NUP214: variants seen among roughly 807,000 people sequenced by gnomAD.
NUP214 encodes the protein nucleoporin 214, also known as nuclear pore complex protein Nup214.
Under a neutral mutation model 196.2 loss-of-function variants are expected in NUP214, and 79 were observed. That is an observed-to-expected ratio of 0.40 (90% CI 0.34 to 0.49). NUP214 has a LOEUF of 0.49. Ranked by LOEUF, NUP214 falls within the 20% of genes least tolerant of loss-of-function variation. The pLI is 0.58. For missense variants in NUP214, 2,468 were observed against 2,539.0 expected, an observed-to-expected ratio of 0.97 and a Z score of 0.60; for synonymous variants, 1,020 against 990.5, an observed-to-expected ratio of 1.03 and a Z score of -0.56.
intron 23 of NUP214, among the ~76,000 whole-genome samples, chr9:131,176,118 G>A (rs1278919529): frequency 6.6e-6 from 1 of 151,916 alleles, no homozygotes; most frequent in Non-Finnish European, 1.5e-5. Context: ...AGGAGTTTGA[G>A]ACCACCCTAG....
At chr9:131,150,918 T>G (rs1446464242) in intron 16 of NUP214, among the ~76,000 whole-genome samples, 153 bp downstream of exon 16, 1 of 152,126 alleles carries the variant, frequency 6.6e-6, no homozygotes, top group Non-Finnish European at 1.5e-5. Context: ...AATCCCTGAG[T>G]TCAAATCCTA....
rs1554737949 is a variant in NUP214 at position 131,196,025 on chromosome 9, T to TCCCTCTCCCCCCCCCCC, written c.3721+734_3721+735insTCTCCCCCCCCCCCCCC. 8.2e-4 allele frequency among the ~76,000 whole-genome samples: 3 copies of TCCCTCTCCCCCCCCCCC among 3,668 alleles called. 1 individual carries two copies. The highest frequency in any genetic ancestry group is 4.4e-3 in the Admixed American group (1 of 228). 2.4% of individuals were successfully genotyped at this position (3,668 alleles called of 152,430 possible). The stretch of plus-strand genomic sequence containing the variant: ...GGCAACAAGAGTGAAACTCTGTGTG[T>TCCCTCTCCCCCCCCCCC]CCCCCCCCCCCCCCGCGCCAAAAAA... On this transcript the variant is annotated intron_variant, in intron 28 of 35. Transcript: ENST00000359428.
chr9:131,127,893 T>C (rs1304695444), intron 2 of NUP214, among the ~76,000 whole-genome samples, 174 bp downstream of exon 2: 1 of 152,196 alleles, frequency 6.6e-6, no homozygotes, highest in Non-Finnish European at 1.5e-5. Context: ...GTCCTTTGTA[T>C]TTCTCCTTAC....
chr9:131,171,028 G>T (rs1278605445), intron 21 of NUP214, among the ~76,000 whole-genome samples: 1 of 144,980 alleles, frequency 6.9e-6, no homozygotes, highest in Non-Finnish European at 1.5e-5. Flanking sequence ...TTCCTTATCT[G>T]ACGTAGAGTG....
intron 31 of NUP214, among the ~76,000 whole-genome samples, chr9:131,215,760 A>G (rs1369943743): frequency 6.6e-6 from 1 of 152,050 alleles, no homozygotes; most frequent in African/African-American, 2.4e-5. Context: ...TTTGGATAGT[A>G]CTCTCCAAAT....
At chr9:131,203,382 C>T (rs561805105) in intron 30 of NUP214, among the ~76,000 whole-genome samples, 1 of 152,226 alleles carries the variant, frequency 6.6e-6, no homozygotes, top group South Asian at 2.1e-4. Context: ...CATCAGACAC[C>T]GGCTGCATTT....
In NUP214 at chr9:131,128,364, A is replaced by G; in HGVS notation, c.274A>G (p.Lys92Glu). The G allele has an allele frequency of 5.0e-6, 8 of 1,613,020 alleles. No individual in the cohort carries two copies. Among genetic ancestry groups the G allele is most frequent in the Non-Finnish European group, 6.8e-6 (8 of 1,179,412 alleles). ...DKVQGLLVPM[K>E]FPIHHLALSC... ...AGTCCAAGGCTTGCTAGTTCCTATG[A>G]AATTCCCAATCCATCACCTGGCCTT... Residue 92 changes from lysine (K) to glutamate (E), a missense_variant, in exon 3 of 36, where the codon AAA (lysine) becomes GAA (glutamate). Transcript: ENST00000359428.
rs1336795098 is a variant in NUP214 at position 131,127,544 on chromosome 9, A to G, written c.66A>G (p.Leu22=). The change falls in exon 2 of 36, where the codon CTA becomes CTG. Residue 22 remains leucine (L), a synonymous_variant. Coordinates refer to ENST00000359428, the MANE Select transcript of NUP214 (RefSeq NM_005085.4). ...AACAGGATTTTCAGTTTAGAGCGCT[A>G]AAGAAGGTGAGAATCTTTGACTCCC... ...REMKDFQFRA[L]KKVRIFDSPE... 6.2e-7 allele frequency: 1 copy of G among 1,612,142 alleles called. No individual in the cohort carries two copies. Among genetic ancestry groups the G allele is most frequent in the Non-Finnish European group, 8.5e-7 (1 of 1,179,370 alleles).
chr9:131,201,387 C>T (rs1444911190), intron 29 of NUP214, among the ~76,000 whole-genome samples: 3 of 151,064 alleles, frequency 2.0e-5, no homozygotes, highest in African/African-American at 2.4e-5. Flanking sequence ...GCCTGGGCGA[C>T]AGAGCAAGAC....
chr9:131,178,445 C>T (rs745526656), intron 24 of NUP214, 35 bp downstream of exon 24: 15 of 1,507,262 alleles, frequency 1.0e-5, no homozygotes, highest in African/African-American at 1.4e-5. Flanking sequence ...CAGCCCCTGG[C>T]TGCTTCTGTA....
chr9:131,130,783 G>C lies in NUP214; in HGVS notation c.610G>C (p.Gly204Arg). ...TTGCTCAGTGTGCTGGAGCCCCAAA[G>C]GAAAGCAGCTGGCAGTGGGAAAACA... ...AVTSVCWSPK[G>R]KQLAVGKQNG... The change falls in exon 5 of 36, where the codon GGA becomes CGA. Residue 204 changes from glycine to arginine, a missense_variant. This residue lies in a region of NUP214 where 392 missense variants were observed against 417.9 expected (regional missense o/e 0.94). Coordinates refer to ENST00000359428, the MANE Select transcript of NUP214 (RefSeq NM_005085.4). 6.2e-7 allele frequency: 1 copy of C among 1,614,144 alleles called. No homozygotes were observed. The highest frequency in any genetic ancestry group is 8.5e-7 in the Non-Finnish European group (1 of 1,180,012).
Position 131,192,295 on chromosome 9 carries a change from C to A in NUP214, c.3659+3C>A, listed in dbSNP as rs1422459603. ...CCTTTCTCATTTTCTCCATCAGGGT[C>A]AGTAATGAACTTAAGTTTTATGGCA... is the stretch of plus-strand genomic sequence containing the variant. On this transcript the variant is annotated splice_donor_region_variant and intron_variant, in intron 27 of 35. Coordinates refer to ENST00000359428, the MANE Select transcript of NUP214 (RefSeq NM_005085.4). 7 of 1,520,358 alleles carry A rather than the reference C, an allele frequency of 4.6e-6. No homozygotes were observed. In the East Asian group the frequency reaches 1.0e-4, roughly 22 times the overall value. 94.2% of individuals were successfully genotyped at this position (1,520,358 alleles called of 1,614,324 possible).
intron 11 of NUP214, 150 bp downstream of exon 11, chr9:131,140,860 A>C: frequency 4.5e-6 from 3 of 663,150 alleles, no homozygotes; most frequent in South Asian, 4.9e-5. Context: ...TTTTTTTTAA[A>C]CATGCATGTA....
At chr9:131,130,696 C>T in intron 4 of NUP214, 70 bp from the exon 5 acceptor site, 1 of 1,298,186 alleles carries the variant, frequency 7.7e-7, no homozygotes, top group Non-Finnish European at 1.1e-6. Context: ...TGATAATTAG[C>T]TGTGTGTGAT....
Position 131,150,784 on chromosome 9 carries a change from T to A in NUP214, c.2277+19T>A. The A allele has an allele frequency of 6.3e-7, 1 of 1,593,486 alleles. No individual in the cohort carries two copies. The stretch of plus-strand genomic sequence containing the variant: ...CACAGAGGTTTGTGTTTATGGATAC[T>A]TTTCCTGAGTTGAATTGCATTTAAC... On this transcript the variant is annotated intron_variant, in intron 16 of 35. Transcript: ENST00000359428.
intron 30 of NUP214, among the ~76,000 whole-genome samples, chr9:131,213,392 C>T (rs1418412964): frequency 6.6e-6 from 1 of 152,152 alleles, no homozygotes; most frequent in African/African-American, 2.4e-5. Flanking sequence ...TCAGGCTGGT[C>T]TTGAGCTCCC....
intron 24 of NUP214, among the ~76,000 whole-genome samples, chr9:131,181,183 C>T (rs1042696101): frequency 3.9e-5 from 6 of 152,100 alleles, no homozygotes; most frequent in Middle Eastern, 3.4e-3. Context: ...ATTAATATCT[C>T]GGAAGAAAGC....
intron 9 of NUP214, among the ~76,000 whole-genome samples, chr9:131,137,422 G>A (rs1831762965): frequency 1.3e-5 from 2 of 152,122 alleles, no homozygotes; most frequent in Admixed American, 1.3e-4. Flanking sequence ...TACGGCAAAT[G>A]ATGATCTAGC....
At chr9:131,207,815 G>A (rs181494579) in intron 30 of NUP214, among the ~76,000 whole-genome samples, 28 of 152,368 alleles carry the variant, frequency 1.8e-4, no homozygotes, top group Admixed American at 4.6e-4. Flanking sequence ...CTGTGGCACA[G>A]CAGCTGCTGG....
Sources: gnomAD v4.1 joint callset for allele counts (sites outside exome capture counted in the v4.1 genomes callset) on GRCh38, gnomAD v4.1.1 for gene constraint, gnomAD v4.1.1 regional missense constraint, MANE v1.5 for transcripts, NCBI Gene and HGNC (gene_info 2026-07-23, HGNC 2026-07-21) for gene names.